The following TM9SF3 variants were observed in gnomAD, a reference collection of about 807,000 sequenced individuals.
TM9SF3 encodes SM-11044-binding protein.
Under a neutral mutation model 78.6 loss-of-function variants are expected in TM9SF3, and 14 were observed. The observed-to-expected ratio is 0.18, with a 90% CI of 0.12 to 0.28. TM9SF3 has a LOEUF of 0.28. Among genes scored for constraint, TM9SF3 ranks in the 10% least tolerant of loss-of-function variants. TM9SF3 has a pLI of 1.00. For missense variants in TM9SF3, 496 were observed against 721.9 expected, an observed-to-expected ratio of 0.69 and a Z score of 3.59; for synonymous variants, 231 against 241.7, an observed-to-expected ratio of 0.96 and a Z score of 0.41.
At chr10:96,585,713 G>A (rs1186042540) in intron 1 of TM9SF3, among the ~76,000 whole-genome samples, 1 of 152,202 alleles carries the variant, frequency 6.6e-6, no homozygotes, top group Admixed American at 6.5e-5. Flanking sequence ...TACCAGAAAT[G>A]ACATAAGACT....
intron 2 of TM9SF3, among the ~76,000 whole-genome samples, chr10:96,573,925 C>T (rs970574738): frequency 5.3e-5 from 8 of 152,116 alleles, no homozygotes; most frequent in African/African-American, 1.4e-4. Context: ...AAAATTAACT[C>T]GAGATGGATT....
chr10:96,559,193 C>T (rs1848272292), intron 5 of TM9SF3, among the ~76,000 whole-genome samples: 1 of 152,152 alleles, frequency 6.6e-6, no homozygotes, highest in South Asian at 2.1e-4. Flanking sequence ...CTTTCTCACA[C>T]CGTAAGTTGT....
At chr10:96,526,222 A>T (rs933508090) in intron 14 of TM9SF3, among the ~76,000 whole-genome samples, 2 of 152,146 alleles carry the variant, frequency 1.3e-5, no homozygotes, top group Admixed American at 6.5e-5. Context: ...GACTGACCCC[A>T]AAAGGCCAGC....
At chr10:96,524,748 ATATTTT>A (rs1847819728) in intron 14 of TM9SF3, among the ~76,000 whole-genome samples, 1 of 151,964 alleles carries the variant, frequency 6.6e-6, no homozygotes, top group African/African-American at 2.4e-5. Flanking sequence ...AAATCAACAA[ATATTTT>A]TGTTTTAATT....
chr10:96,586,331 G>A (rs1440993169), intron 1 of TM9SF3, among the ~76,000 whole-genome samples: 1 of 152,190 alleles, frequency 6.6e-6, no homozygotes, highest in Admixed American at 6.5e-5. Context: ...CGGCGTCGCA[G>A]CCCTCAGTAG....
intron 9 of TM9SF3, among the ~76,000 whole-genome samples, chr10:96,540,815 T>A (rs764420908): frequency 6.8e-5 from 10 of 146,772 alleles, no homozygotes; most frequent in Non-Finnish European, 1.5e-4. Context: ...CTCACTCTTG[T>A]TGCCCAGGCT....
At chr10:96,562,257 C>T (rs1200796458) in intron 3 of TM9SF3, 119 bp from the exon 4 acceptor site, 1 of 760,040 alleles carries the variant, frequency 1.3e-6, no homozygotes, top group Non-Finnish European at 2.0e-6. Flanking sequence ...TCTCTCCCTC[C>T]CTGGCCACTC....
At position 96,551,316 on chromosome 10, in the gene TM9SF3, A is replaced by G; in HGVS notation, c.888T>C (p.Gly296=). 1 of 1,613,170 alleles carries G rather than the reference A, an allele frequency of 6.2e-7. No homozygotes were observed. Among genetic ancestry groups the G allele is most frequent in the Non-Finnish European group, 8.5e-7 (1 of 1,179,678 alleles). Residue 296 remains glycine (G), a synonymous_variant, in exon 7 of 15, where the codon GGT becomes GGC. Transcript: ENST00000371142. ...ACACAGCAAATATCTGACATCCAGA[A>G]CCAATCAGAGAGGAAAATATCAGTG... is the stretch of plus-strand genomic sequence containing the variant. ...SHPLIFSSLI[G]SGCQIFAVSL...
At chr10:96,549,068 A>G (rs906588146) in intron 7 of TM9SF3, among the ~76,000 whole-genome samples, 3 of 152,160 alleles carry the variant, frequency 2.0e-5, no homozygotes, top group African/African-American at 7.2e-5. Context: ...CTCTCCAGTG[A>G]AAACTTTCAG....
intron 14 of TM9SF3, 115 bp downstream of exon 14, chr10:96,527,098 T>C (rs1847846920): frequency 1.3e-6 from 1 of 794,790 alleles, no homozygotes; most frequent in South Asian, 1.9e-5. Flanking sequence ...CTCGGGTTTA[T>C]TTTGGTGTTT....
chr10:96,555,649 A>G (rs1205246186), intron 5 of TM9SF3, among the ~76,000 whole-genome samples: 1 of 152,224 alleles, frequency 6.6e-6, no homozygotes, highest in South Asian at 2.1e-4. Flanking sequence ...GCCTCTTCAG[A>G]AGACTATTCC....
At position 96,586,761 on chromosome 10, in the gene TM9SF3, C is replaced by G; in HGVS notation, c.75G>C (p.Arg25=). 2 of 1,284,088 alleles carry G rather than the reference C, an allele frequency of 1.6e-6. No homozygotes were observed. The highest frequency in any genetic ancestry group is 2.6e-5 in the South Asian group (1 of 39,018). 79.5% of individuals were successfully genotyped at this position (1,284,088 alleles called of 1,614,324 possible). A position where few individuals can be genotyped will look rare whatever the true frequency, so the allele number is the denominator to read the frequency against. The change falls in exon 1 of 15, where the codon CGG becomes CGC. Residue 25 remains arginine, a synonymous_variant. Coordinates refer to ENST00000371142, the MANE Select transcript of TM9SF3 (RefSeq NM_020123.4). The part of the protein sequence containing the change: ...ALWLLLLLLP[R]TRADEHEHTY... ...TGTGTTCGTGCTCGTCCGCCCGGGT[C>G]CGGGGCAGCAGCAGCAGCAGCAGCC...
intron 5 of TM9SF3, among the ~76,000 whole-genome samples, chr10:96,553,797 T>C (rs1282270213): frequency 2.6e-5 from 4 of 152,218 alleles, no homozygotes; most frequent in Non-Finnish European, 2.9e-5. Flanking sequence ...CAATATTACA[T>C]CTAGATTCTG....
intron 1 of TM9SF3, among the ~76,000 whole-genome samples, chr10:96,577,769 G>T (rs1418980831): frequency 3.3e-5 from 5 of 152,122 alleles, no homozygotes; most frequent in Non-Finnish European, 7.4e-5. Context: ...ATACAGCTTT[G>T]AACAAGATGT....
At chr10:96,554,820 T>C (rs1848215546) in intron 5 of TM9SF3, among the ~76,000 whole-genome samples, 2 of 152,330 alleles carry the variant, frequency 1.3e-5, no homozygotes, top group Admixed American at 1.3e-4. Context: ...TATATAACAC[T>C]TGTTTCTGAT....
chr10:96,545,399 A>AG (rs1848085298), intron 8 of TM9SF3, among the ~76,000 whole-genome samples: 1 of 152,204 alleles, frequency 6.6e-6, no homozygotes, highest in South Asian at 2.1e-4. Context: ...AAAACTCCTT[A>AG]ATCCTGAGTT....
intron 9 of TM9SF3, among the ~76,000 whole-genome samples, chr10:96,539,474 T>C (rs1220128857): frequency 6.6e-6 from 1 of 151,970 alleles, no homozygotes; most frequent in Non-Finnish European, 1.5e-5. Context: ...GTAATGAAAA[T>C]TACACTATGA....
intron 14 of TM9SF3, among the ~76,000 whole-genome samples, chr10:96,525,772 A>C (rs1448367924): frequency 6.6e-6 from 1 of 152,076 alleles, no homozygotes; most frequent in East Asian, 1.9e-4. Context: ...CTCATTTATC[A>C]AGTAAAACAC....
chr10:96,524,351 A>G (rs1847815314), intron 14 of TM9SF3, among the ~76,000 whole-genome samples: 4 of 151,874 alleles, frequency 2.6e-5, no homozygotes, highest in African/African-American at 9.7e-5. Context: ...AAAATCATTC[A>G]ATTTTGTGAA....
Sources: gnomAD v4.1 joint callset for allele counts (sites outside exome capture counted in the v4.1 genomes callset) on GRCh38, gnomAD v4.1.1 for gene constraint, MANE v1.5 for transcripts, NCBI Gene and HGNC (gene_info 2026-07-23, HGNC 2026-07-21) for gene names.